Variants in PALM2AKAP2 observed in about 807,000 individuals in gnomAD.
PALM2AKAP2 encodes PALM2-AKAP2 fusion protein.
PALM2AKAP2 carries 37 observed loss-of-function variants against 71.5 expected under a neutral mutation model. The ratio of observed to expected loss-of-function variants is 0.52; its 90% CI spans 0.40 to 0.68. The LOEUF (loss-of-function observed/expected upper bound fraction) is 0.68. PALM2AKAP2 is among the 30% of genes least tolerant of loss of function. The pLI is 0.00. For missense variants in PALM2AKAP2, 1,224 were observed against 1,191.8 expected, an observed-to-expected ratio of 1.03 and a Z score of -0.40; for synonymous variants, 468 against 478.8, an observed-to-expected ratio of 0.98 and a Z score of 0.29.
chr9:109,647,058 G>A (rs1049835580), intron 1 of PALM2AKAP2, among the ~76,000 whole-genome samples: 8 of 152,038 alleles, frequency 5.3e-5, no homozygotes, highest in African/African-American at 1.4e-4. Flanking sequence ...TACCATGAAC[G>A]CTTGGGAAAC....
At position 109,703,576 on chromosome 9, in the gene PALM2AKAP2, T is replaced by C. The variant is rs149957490; in HGVS notation, c.5+62710T>C. ...GCTTCTTTATTCAATGCCAAAAAAA[T>C]AGAAATTGGACAAATCATCTTGTCA... On this transcript the variant is annotated intron_variant, in intron 1 of 6. Coordinates refer to the PALM2AKAP2 transcript ENST00000374531. Among the ~76,000 whole-genome samples, 673 of 152,140 alleles carry C rather than the reference T, an allele frequency of 4.4e-3. 4 individuals carry two copies. The highest frequency in any genetic ancestry group is 6.8e-3 in the Non-Finnish European group (459 of 67,972).
chr9:109,963,983 G>A (rs142394948), intron 6 of PALM2AKAP2, among the ~76,000 whole-genome samples: 5 of 152,272 alleles, frequency 3.3e-5, no homozygotes, highest in South Asian at 2.1e-4. Context: ...ACAGAATCTC[G>A]CTCTGCACCA....
chr9:109,715,097 G>T (rs999480177), intron 1 of PALM2AKAP2, among the ~76,000 whole-genome samples: 2 of 152,130 alleles, frequency 1.3e-5, no homozygotes, highest in East Asian at 3.8e-4. Flanking sequence ...TATGTCCACT[G>T]ATCTACACTA....
exon 4 of PALM2AKAP2, chr9:110,170,115 T>C (rs1347638332): frequency 6.6e-6 from 1 of 152,472 alleles, no homozygotes; most frequent in Non-Finnish European, 1.5e-5. Context: ...CCAGCTTTAA[T>C]CTTTCTGTCA....
chr9:109,784,820 A>G (rs1290589528), intron 1 of PALM2AKAP2, among the ~76,000 whole-genome samples: 1 of 152,270 alleles, frequency 6.6e-6, no homozygotes, highest in Non-Finnish European at 1.5e-5. Flanking sequence ...CACACTGTGC[A>G]GGTGGTCTCA....
chr9:109,854,009 T>C (rs185110309), intron 1 of PALM2AKAP2, among the ~76,000 whole-genome samples: 49 of 152,320 alleles, frequency 3.2e-4, no homozygotes, highest in Non-Finnish European at 6.6e-4. Context: ...GCCAAGCACA[T>C]GGTGCTGGCA....
chr9:109,727,016 G>T (rs1828487088), intron 1 of PALM2AKAP2, among the ~76,000 whole-genome samples: 1 of 152,264 alleles, frequency 6.6e-6, no homozygotes, highest in South Asian at 2.1e-4. Flanking sequence ...CCATCACAGA[G>T]AGTGAAAAAC....
At chr9:109,961,507 A>C (rs1831850351) in intron 6 of PALM2AKAP2, among the ~76,000 whole-genome samples, 1 of 140,560 alleles carries the variant, frequency 7.1e-6, no homozygotes, top group Non-Finnish European at 1.5e-5. Context: ...TTGAGTGGCC[A>C]CTTAGAAGAA....
At chr9:110,153,539 T>C (rs926331543) in intron 2 of PALM2AKAP2, among the ~76,000 whole-genome samples, 4 of 152,250 alleles carry the variant, frequency 2.6e-5, no homozygotes, top group Non-Finnish European at 5.9e-5. Flanking sequence ...CCCTTTCCTC[T>C]GATTCTCTAT....
intron 1 of PALM2AKAP2, among the ~76,000 whole-genome samples, chr9:109,774,530 C>T (rs1316218714): frequency 1.3e-5 from 2 of 152,060 alleles, no homozygotes; most frequent in Non-Finnish European, 2.9e-5. Context: ...GTCTAAGAAT[C>T]ATTAAAAGCA....
intron 6 of PALM2AKAP2, among the ~76,000 whole-genome samples, chr9:109,947,949 A>G (rs142564997): frequency 4.1e-4 from 63 of 152,348 alleles, no homozygotes; most frequent in African/African-American, 1.5e-3. Context: ...TGATTAGGAT[A>G]GAACCTGAAA....
Position 110,130,600 on chromosome 9 carries a change from G to C in PALM2AKAP2, c.157-5527G>C, listed in dbSNP as rs7036451. Reference sequence around the variant, plus strand: ...AATAAACATTTATAAAAAATGCTATGAGGAAATCTCAGCTCCCTAAATTTC... The same window carrying C: ...AATAAACATTTATAAAAAATGCTATCAGGAAATCTCAGCTCCCTAAATTTC... On this transcript the variant is annotated intron_variant, in intron 1 of 3. Transcript: ENST00000374525. 5.5e-3 allele frequency among the ~76,000 whole-genome samples: 837 copies of C among 152,294 alleles called. 11 individuals are homozygous for C. The highest frequency in any genetic ancestry group is 0.019 in the African/African-American group (793 of 41,564).
intron 7 of PALM2AKAP2, among the ~76,000 whole-genome samples, chr9:110,027,941 C>T (rs1466317596): frequency 6.6e-6 from 1 of 152,124 alleles, no homozygotes; most frequent in Non-Finnish European, 1.5e-5. Flanking sequence ...ACATTTGGGA[C>T]AGAAAACCTT....
chr9:109,954,677 AAAAAGAAGT>A (rs1366833049), intron 6 of PALM2AKAP2, among the ~76,000 whole-genome samples: 27 of 150,928 alleles, frequency 1.8e-4, no homozygotes, highest in African/African-American at 6.6e-4. Context: ...AAAAAAAAAA[AAAAAGAAGT>A]TAAGGTTGCA....
chr9:110,081,410 G>A (rs1230776909), intron 1 of PALM2AKAP2, among the ~76,000 whole-genome samples: 1 of 152,216 alleles, frequency 6.6e-6, no homozygotes, highest in Non-Finnish European at 1.5e-5. Flanking sequence ...GGTGGGACTA[G>A]AATTGTGGCT....
At chr9:109,801,504 TG>T (rs1827428007) in intron 1 of PALM2AKAP2, among the ~76,000 whole-genome samples, 1 of 152,218 alleles carries the variant, frequency 6.6e-6, no homozygotes, top group Non-Finnish European at 1.5e-5. Context: ...AAAATTAAAA[TG>T]TTTTTGTTTT....
chr9:109,985,401 C>T (rs1438015339), intron 6 of PALM2AKAP2, among the ~76,000 whole-genome samples: 2 of 151,624 alleles, frequency 1.3e-5, no homozygotes, highest in Non-Finnish European at 2.9e-5. Flanking sequence ...GGGCCGATCG[C>T]GAGGTCAGGA....
intron 3 of PALM2AKAP2, among the ~76,000 whole-genome samples, chr9:109,918,238 T>A (rs1245646698): frequency 2.6e-5 from 4 of 152,206 alleles, no homozygotes; most frequent in African/African-American, 9.7e-5. Flanking sequence ...TGGATGAATG[T>A]CTAAATAAAC....
chr9:110,014,843 TATATATATAC>T (rs1832951733), intron 6 of PALM2AKAP2, among the ~76,000 whole-genome samples: 1 of 95,256 alleles, frequency 1.0e-5, no homozygotes, highest in African/African-American at 4.5e-5. Flanking sequence ...TATATATATA[TATATATATAC>T]ACACACACAC....
Sources: allele counts gnomAD v4.1 joint callset (sites outside exome capture counted in the v4.1 genomes callset), GRCh38; gene constraint gnomAD v4.1.1; transcripts MANE v1.5; gene names NCBI Gene and HGNC (gene_info 2026-07-23, HGNC 2026-07-21).